The following DOCK4 variants were observed in gnomAD, a reference collection of about 807,000 sequenced individuals.
The protein encoded by DOCK4 is dedicator of cytokinesis protein 4.
DOCK4 carries 97 observed loss-of-function variants against 268.1 expected under a neutral mutation model. The ratio of observed to expected loss-of-function variants is 0.36; its 90% CI spans 0.31 to 0.43. DOCK4 has a LOEUF of 0.43. Ranked by LOEUF, DOCK4 falls within the 20% of genes least tolerant of loss-of-function variation. The pLI, the probability that DOCK4 is intolerant of heterozygous loss-of-function variation, is 1.00. For synonymous variants in DOCK4, 954 were observed against 887.2 expected (o/e 1.08, Z -1.34); for missense variants, 2,145 against 2,455.7 (o/e 0.87, Z 2.67).
intron 1 of DOCK4, among the ~76,000 whole-genome samples, chr7:112,008,127 G>A (rs973100223): frequency 1.3e-5 from 2 of 152,092 alleles, no homozygotes; most frequent in Non-Finnish European, 2.9e-5. Context: ...CACAGAAAAT[G>A]AACCTTTGGT....
intron 1 of DOCK4, among the ~76,000 whole-genome samples, chr7:112,016,849 C>T (rs1176139206): frequency 1.3e-5 from 2 of 152,106 alleles, no homozygotes; most frequent in Non-Finnish European, 2.9e-5. Flanking sequence ...AACAAATTAA[C>T]GTTTTTGTCC....
chr7:111,769,780 C>G (rs1798003007), intron 36 of DOCK4, 103 bp from the exon 37 acceptor site: 1 of 1,384,568 alleles, frequency 7.2e-7, no homozygotes, highest in African/African-American at 1.5e-5. Flanking sequence ...ATACTATTTT[C>G]TAAATTTCGT....
rs1404928769 is a variant in DOCK4, at chr7:111,727,289, C to T, written c.*985G>A. On this transcript the variant is annotated 3_prime_UTR_variant, in exon 53 of 53. Coordinates refer to ENST00000428084, the MANE Select transcript of DOCK4 (RefSeq NM_001363540.2). ...GAGGAATTTTTTATTTTGTGCAGGACTGAAAGTTAATGCCCTTGCCTTTTA... is the reference window on the plus strand; with the variant it reads ...GAGGAATTTTTTATTTTGTGCAGGATTGAAAGTTAATGCCCTTGCCTTTTA... The T allele has an allele frequency of 6.6e-6, 1 of 152,538 alleles. No homozygotes were observed. Among genetic ancestry groups the T allele is most frequent in the East Asian group, 1.9e-4 (1 of 5,186 alleles). The allele number at this position is 152,538 out of a possible 1,614,324, so 9.4% of individuals were successfully genotyped here.
chr7:111,961,354 C>A (rs1255287798), intron 8 of DOCK4, among the ~76,000 whole-genome samples: 1 of 152,196 alleles, frequency 6.6e-6, no homozygotes, highest in African/African-American at 2.4e-5. Context: ...CAGGATTCAA[C>A]TTTAAACCTC....
At chr7:112,087,001 A>T (rs1809152641) in intron 1 of DOCK4, among the ~76,000 whole-genome samples, 1 of 152,098 alleles carries the variant, frequency 6.6e-6, no homozygotes, top group Non-Finnish European at 1.5e-5. Flanking sequence ...CCTGGGTAAG[A>T]AGGAAGAAAA....
At chr7:111,986,482 GC>G (rs1799062565) in intron 6 of DOCK4, among the ~76,000 whole-genome samples, 2 of 152,120 alleles carry the variant, frequency 1.3e-5, no homozygotes, top group African/African-American at 4.8e-5. Flanking sequence ...AGGTTTCCTA[GC>G]CCACAGAGTA....
intron 8 of DOCK4, among the ~76,000 whole-genome samples, chr7:111,947,753 T>TC (rs1795735284): frequency 6.6e-6 from 1 of 152,176 alleles, no homozygotes; most frequent in African/African-American, 2.4e-5. Flanking sequence ...GGGGGAGGTC[T>TC]CACTCTTTCA....
At chr7:111,931,874 T>G (rs749090598) in intron 12 of DOCK4, among the ~76,000 whole-genome samples, 2 of 152,148 alleles carry the variant, frequency 1.3e-5, no homozygotes, top group Admixed American at 6.5e-5. Context: ...CTTCCCAATA[T>G]CCCTTAGAGG....
intron 6 of DOCK4, among the ~76,000 whole-genome samples, chr7:111,988,743 T>C (rs1427608953): frequency 6.6e-6 from 1 of 152,242 alleles, no homozygotes; most frequent in African/African-American, 2.4e-5. Flanking sequence ...ATCTAGTTCA[T>C]TGCTGTGAAC....
chr7:111,730,248 G>A (rs995893621), intron 52 of DOCK4, among the ~76,000 whole-genome samples: 1 of 152,188 alleles, frequency 6.6e-6, no homozygotes, highest in African/African-American at 2.4e-5. Context: ...TACTCCTTGT[G>A]TATATTCAAA....
Position 112,152,460 on chromosome 7 carries a change from T to C in DOCK4, c.37+53642A>G, listed in dbSNP as rs184749049. 6.6e-5 allele frequency among the ~76,000 whole-genome samples: 10 copies of C among 151,972 alleles called. No homozygotes were observed. The East Asian group carries it at 1.9e-3, about 29-fold the overall frequency. Reference sequence around the variant, plus strand: ...GTGTGATGGGGTACAAGTCACAGAGTCCAACAGGCAGGCAATGTGCACAGC... The same window carrying C: ...GTGTGATGGGGTACAAGTCACAGAGCCCAACAGGCAGGCAATGTGCACAGC... On this transcript the variant is annotated intron_variant, in intron 1 of 52. Coordinates refer to ENST00000428084, the MANE Select transcript of DOCK4 (RefSeq NM_001363540.2).
At chr7:112,058,549 C>G (rs967741897) in intron 1 of DOCK4, among the ~76,000 whole-genome samples, 1 of 152,256 alleles carries the variant, frequency 6.6e-6, no homozygotes, top group Middle Eastern at 3.4e-3. Context: ...CACCTGCTCC[C>G]TGTTTTATTA....
chr7:112,092,122 C>G (rs1474094781), intron 1 of DOCK4, among the ~76,000 whole-genome samples: 2 of 152,156 alleles, frequency 1.3e-5, no homozygotes, highest in African/African-American at 4.8e-5. Flanking sequence ...ACACCCCCAC[C>G]CAGGCTGGCT....
At chr7:112,034,265 G>A (rs774849731) in intron 1 of DOCK4, among the ~76,000 whole-genome samples, 1 of 152,132 alleles carries the variant, frequency 6.6e-6, no homozygotes, top group Non-Finnish European at 1.5e-5. Flanking sequence ...TCTTTTTAAA[G>A]GAACTAAGCA....
intron 1 of DOCK4, among the ~76,000 whole-genome samples, chr7:112,127,422 AG>A (rs1290427793): frequency 1.5e-5 from 1 of 68,388 alleles, no homozygotes; most frequent in Non-Finnish European, 2.6e-5. Flanking sequence ...GGGTGGGGGG[AG>A]GGGGGAGGGA....
At chr7:111,823,571 A>G (rs888645929) in intron 26 of DOCK4, among the ~76,000 whole-genome samples, 9 of 152,112 alleles carry the variant, frequency 5.9e-5, no homozygotes, top group Non-Finnish European at 1.0e-4. Context: ...TACAATACTT[A>G]AAGTGGAATC....
At chr7:112,148,295 G>T (rs1815708926) in intron 1 of DOCK4, among the ~76,000 whole-genome samples, 1 of 152,154 alleles carries the variant, frequency 6.6e-6, no homozygotes, top group Admixed American at 6.5e-5. Flanking sequence ...CTGGCAGAGG[G>T]ACAGGGGGAG....
chr7:111,875,117 T>C lies in DOCK4; in HGVS notation c.1744+1913A>G, dbSNP rs914797848. Among the ~76,000 whole-genome samples the C allele has an allele frequency of 2.6e-4, 40 of 152,232 alleles. 1 individual carries two copies. Among genetic ancestry groups the C allele is most frequent in the African/African-American group, 8.9e-4 (37 of 41,454 alleles). ...TTGAAACATGCATTTCCTGGCTCAT[T>C]TGAGCCAATTCTCATTGACAAGGTT... On this transcript the variant is annotated intron_variant, in intron 17 of 52. Coordinates refer to ENST00000428084, the MANE Select transcript of DOCK4 (RefSeq NM_001363540.2).
intron 7 of DOCK4, among the ~76,000 whole-genome samples, chr7:111,983,846 G>A (rs1249535692): frequency 0.021 from 1,967 of 94,262 alleles, 65 homozygotes; most frequent in African/African-American, 0.11. Flanking sequence ...ACACACACAC[G>A]CGCGCGCGCG....
Sources: gnomAD v4.1 joint callset for allele counts (sites outside exome capture counted in the v4.1 genomes callset) on GRCh38, gnomAD v4.1.1 for gene constraint, MANE v1.5 for transcripts, NCBI Gene and HGNC (gene_info 2026-07-23, HGNC 2026-07-21) for gene names.